Variants in GABRB2 observed in about 807,000 individuals in gnomAD.
GABRB2 encodes gamma-aminobutyric acid type A receptor subunit beta2, also known as gamma-aminobutyric acid receptor subunit beta-2.
In GABRB2, 16 loss-of-function variants were observed where a neutral mutation model predicts 54.7. The observed-to-expected ratio is 0.29, with a 90% CI of 0.20 to 0.44. GABRB2 has a LOEUF of 0.44. Among genes scored for constraint, GABRB2 ranks in the 20% least tolerant of loss-of-function variants. The pLI is 1.00. For synonymous variants in GABRB2, 244 were observed against 233.8 expected (o/e 1.04, Z -0.40); for missense variants, 355 against 644.0 (o/e 0.55, Z 4.86).
At chr5:161,444,036 A>G (rs1757543508) in intron 4 of GABRB2, among the ~76,000 whole-genome samples, 1 of 152,160 alleles carries the variant, frequency 6.6e-6, no homozygotes, top group Non-Finnish European at 1.5e-5. Context: ...TAACTTCCCA[A>G]AGGGAAAATC....
intron 3 of GABRB2, among the ~76,000 whole-genome samples, chr5:161,481,314 A>C (rs1457892134): frequency 6.6e-6 from 1 of 152,090 alleles, no homozygotes; most frequent in Non-Finnish European, 1.5e-5. Flanking sequence ...ACACATAGGA[A>C]ATCAATATGT....
intron 5 of GABRB2, among the ~76,000 whole-genome samples, chr5:161,347,192 C>T (rs889726905): frequency 1.1e-4 from 17 of 152,008 alleles, no homozygotes; most frequent in African/African-American, 1.7e-4. Context: ...CTCATCTAAT[C>T]GTTAATAGAA....
chr5:161,332,751 T>C (rs1753888926), intron 7 of GABRB2, among the ~76,000 whole-genome samples: 1 of 152,134 alleles, frequency 6.6e-6, no homozygotes, highest in East Asian at 1.9e-4. Flanking sequence ...TCCTATGATT[T>C]TGGGGGGACA....
intron 5 of GABRB2, among the ~76,000 whole-genome samples, chr5:161,340,255 G>A (rs921047339): frequency 9.2e-5 from 14 of 151,988 alleles, no homozygotes; most frequent in African/African-American, 3.1e-4. Context: ...CAAACTTTTG[G>A]CAAAATGACA....
At chr5:161,343,265 T>G (rs1365466461) in intron 5 of GABRB2, among the ~76,000 whole-genome samples, 2 of 151,866 alleles carry the variant, frequency 1.3e-5, no homozygotes, top group Non-Finnish European at 2.9e-5. Flanking sequence ...TAGCTCAAAA[T>G]AATCGACCTA....
At chr5:161,414,226 G>T (rs1260311901) in intron 4 of GABRB2, among the ~76,000 whole-genome samples, 1 of 152,156 alleles carries the variant, frequency 6.6e-6, no homozygotes, top group Admixed American at 6.5e-5. Flanking sequence ...TATGGTCGAT[G>T]ATGAGTAACA....
At chr5:161,311,808 C>A (rs1001666396) in intron 9 of GABRB2, among the ~76,000 whole-genome samples, 4 of 152,110 alleles carry the variant, frequency 2.6e-5, no homozygotes, top group Non-Finnish European at 5.9e-5. Context: ...TTCATAAGAT[C>A]CCTAGGTCAT....
chr5:161,349,473 A>G (rs1003951462), intron 5 of GABRB2, among the ~76,000 whole-genome samples: 1 of 152,132 alleles, frequency 6.6e-6, no homozygotes, highest in Non-Finnish European at 1.5e-5. Flanking sequence ...ATTCTTTGAT[A>G]GCCCACAAAT....
chr5:161,375,244 T>C (rs1265857207), intron 5 of GABRB2, among the ~76,000 whole-genome samples: 1 of 152,218 alleles, frequency 6.6e-6, no homozygotes, highest in Non-Finnish European at 1.5e-5. Context: ...TAAATCTTCA[T>C]GATACAGGTT....
At chr5:161,342,178 C>T (rs997779008) in intron 5 of GABRB2, among the ~76,000 whole-genome samples, 10 of 151,442 alleles carry the variant, frequency 6.6e-5, no homozygotes, top group Admixed American at 1.3e-4. Flanking sequence ...AATGTTATTG[C>T]GATAGTTCAC....
intron 5 of GABRB2, among the ~76,000 whole-genome samples, chr5:161,338,112 A>C (rs1370930928): frequency 6.6e-6 from 1 of 152,174 alleles, no homozygotes; most frequent in Non-Finnish European, 1.5e-5. Flanking sequence ...ATAAGGTAGA[A>C]ACAAATTTTT....
chr5:161,377,815 T>C (rs1411030826), intron 5 of GABRB2, among the ~76,000 whole-genome samples: 1 of 152,056 alleles, frequency 6.6e-6, no homozygotes, highest in East Asian at 1.9e-4. Flanking sequence ...ATTTGGTACG[T>C]GAATCTAATT....
intron 3 of GABRB2, among the ~76,000 whole-genome samples, chr5:161,541,869 T>C (rs1214303882): frequency 6.6e-6 from 1 of 152,238 alleles, no homozygotes; most frequent in Non-Finnish European, 1.5e-5. Context: ...TCCTTTGCAT[T>C]CAAAACTTGG....
chr5:161,309,706 C>T (rs1580967710), intron 9 of GABRB2, among the ~76,000 whole-genome samples: 2 of 151,764 alleles, frequency 1.3e-5, no homozygotes, highest in East Asian at 3.9e-4. Context: ...TCTCGGCTCA[C>T]TGCAAGCTCC....
At chr5:161,413,167 T>A (rs1756570391) in intron 4 of GABRB2, among the ~76,000 whole-genome samples, 1 of 152,188 alleles carries the variant, frequency 6.6e-6, no homozygotes, top group Non-Finnish European at 1.5e-5. Flanking sequence ...AAGTATATGA[T>A]GGATGAATAA....
chr5:161,479,899 A>G (rs947506590), intron 3 of GABRB2, among the ~76,000 whole-genome samples: 1 of 151,986 alleles, frequency 6.6e-6, no homozygotes, highest in Non-Finnish European at 1.5e-5. Flanking sequence ...AAACTTCTTT[A>G]TAAAGTACCT....
chr5:161,336,654 G>T lies in GABRB2; in HGVS notation c.657C>A (p.Thr219=). The change falls in exon 6 of 10, where the codon ACC becomes ACA. Residue 219 remains threonine (T), a synonymous_variant. Transcript: ENST00000393959. ...AACCTGTGGAAAAAACAACCTTCTTGGTGATAAGTTTGTAATCTACAATAG... is the reference window on the plus strand; with the variant it reads ...AACCTGTGGAAAAAACAACCTTCTTTGTGATAAGTTTGTAATCTACAATAG... ...QFSIVDYKLI[T]KKVVFSTGSY... 1 of 1,612,942 alleles carries T rather than the reference G, an allele frequency of 6.2e-7. No homozygotes were observed. The highest frequency in any genetic ancestry group is 8.5e-7 in the Non-Finnish European group (1 of 1,179,414).
intron 4 of GABRB2, among the ~76,000 whole-genome samples, chr5:161,429,914 T>C (rs1266824033): frequency 6.6e-6 from 1 of 152,148 alleles, no homozygotes; most frequent in Non-Finnish European, 1.5e-5. Flanking sequence ...TAGCTTATTG[T>C]TACCTGTGGG....
At chr5:161,430,351 A>G (rs1465290902) in intron 4 of GABRB2, among the ~76,000 whole-genome samples, 2 of 152,174 alleles carry the variant, frequency 1.3e-5, no homozygotes, top group African/African-American at 4.8e-5. Flanking sequence ...TTTTCATCAC[A>G]GCCTTAAATA....
Sources: allele counts gnomAD v4.1 joint callset (sites outside exome capture counted in the v4.1 genomes callset), GRCh38; gene constraint gnomAD v4.1.1; transcripts MANE v1.5; gene names NCBI Gene and HGNC (gene_info 2026-07-23, HGNC 2026-07-21).